The following DNHD1 variants were observed in gnomAD, a reference collection of about 807,000 sequenced individuals.
The protein encoded by DNHD1 is dynein heavy chain domain 1.
Under a neutral mutation model 458.1 loss-of-function variants are expected in DNHD1, and 383 were observed. The observed-to-expected ratio is 0.84, with a 90% confidence interval of 0.77 to 0.91. DNHD1 has a LOEUF of 0.91. Ranked by LOEUF, DNHD1 falls within the 40% of genes least tolerant of loss-of-function variation. The pLI is 0.00. For missense variants in DNHD1, 5,336 were observed against 5,866.1 expected, an observed-to-expected ratio of 0.91 and a Z score of 2.95; for synonymous variants, 2,203 against 2,376.9, an observed-to-expected ratio of 0.93 and a Z score of 2.13.
chr11:6,566,514 C>T (rs1853702909), intron 34 of DNHD1, 73 bp from the exon 35 acceptor site: 1 of 1,563,448 alleles, frequency 6.4e-7, no homozygotes, highest in Admixed American at 1.8e-5. Flanking sequence ...AGCAGGGAGC[C>T]ATACTCCCTG....
Position 6,563,918 on chromosome 11 carries a change from G to A in DNHD1, c.10078G>A (p.Glu3360Lys), listed in dbSNP as rs1056169167. 1 of 1,551,576 alleles carries A rather than the reference G, an allele frequency of 6.4e-7. No individual in the cohort carries two copies. Among genetic ancestry groups the A allele is most frequent in the Non-Finnish European group, 8.7e-7 (1 of 1,147,010 alleles). The change falls in exon 31 of 43, where the codon GAG becomes AAG. Residue 3360 changes from glutamate (E) to lysine (K), a missense_variant. Around this residue, in one of 4 missense-constraint regions of DNHD1, gnomAD observed 3,932 missense variants for 4,365.6 expected, o/e 0.90. Coordinates refer to ENST00000254579, the MANE Select transcript of DNHD1 (RefSeq NM_144666.3). ...GCAAGTGGAGGCAACACTCACTCGG[G>A]AGCAGGCCCGCCTGGGCTACTACCA... ...LQQVEATLTR[E>K]QARLGYYQFQ...
Position 6,519,773 on chromosome 11 carries a change from C to T in DNHD1, c.1566C>T (p.Arg522=), listed in dbSNP as rs1852565857. ...AWWLQLGKFA[R]LVDYMICQSL... The stretch of plus-strand genomic sequence containing the variant: ...GGCTGCAGCTGGGAAAGTTTGCCCG[C>T]CTGGTTGACTACATGATTTGTCAGA... Residue 522 remains arginine, a synonymous_variant, in exon 8 of 43, where the codon CGC becomes CGT. Coordinates refer to ENST00000254579, the MANE Select transcript of DNHD1 (RefSeq NM_144666.3). The T allele has an allele frequency of 6.2e-7, 1 of 1,613,796 alleles. No homozygotes were observed. The highest frequency in any genetic ancestry group is 8.5e-7 in the Non-Finnish European group (1 of 1,180,050).
chr11:6,515,442 C>T (rs891272578), intron 7 of DNHD1, among the ~76,000 whole-genome samples: 2 of 152,050 alleles, frequency 1.3e-5, no homozygotes, highest in Non-Finnish European at 1.5e-5. Context: ...TGTTTAGTCT[C>T]TCTTATATGG....
At position 6,570,570 on chromosome 11, in the gene DNHD1, G is replaced by C. The variant is rs183495445; in HGVS notation, c.13106-48G>C. 6.8e-4 allele frequency: 1,047 copies of C among 1,529,404 alleles called. 3 individuals carry two copies. Among genetic ancestry groups the C allele is most frequent in the Admixed American group, 1.4e-3 (70 of 50,620 alleles). 94.7% of individuals were successfully genotyped at this position (1,529,404 alleles called of 1,614,324 possible). On this transcript the variant is annotated intron_variant, in intron 41 of 42. Transcript: ENST00000254579. ...GGAAGGCCTACTCTCTCGAGTCTAG[G>C]GTGGGGAGAGTCCATCTTGTCCCTC...
At chr11:6,554,455 G>T (rs1853420162) in intron 24 of DNHD1, among the ~76,000 whole-genome samples, 1 of 152,058 alleles carries the variant, frequency 6.6e-6, no homozygotes, top group Non-Finnish European at 1.5e-5. Flanking sequence ...TATCAAAATT[G>T]AAAACCTATG....
At chr11:6,555,278 A>G (rs1019534051) in intron 24 of DNHD1, among the ~76,000 whole-genome samples, 1 of 151,604 alleles carries the variant, frequency 6.6e-6, no homozygotes, top group African/African-American at 2.4e-5. Flanking sequence ...CTCAGGTGAC[A>G]TGAGGATGGA....
intron 16 of DNHD1, 88 bp downstream of exon 16, chr11:6,538,898 G>A: frequency 7.7e-7 from 1 of 1,295,924 alleles, no homozygotes; most frequent in South Asian, 1.6e-5. Context: ...TGCTCCTGCT[G>A]GAAACACCTT....
intron 29 of DNHD1, 88 bp downstream of exon 29, chr11:6,563,219 G>A: frequency 6.5e-7 from 1 of 1,541,332 alleles, no homozygotes; most frequent in Admixed American, 2.0e-5. Context: ...AGGATGGAGT[G>A]ACTCATCATG....
At position 6,557,942 on chromosome 11, in the gene DNHD1, C is replaced by T. The variant is rs1025813426; in HGVS notation, c.8647C>T (p.Arg2883Trp). 1.1e-5 allele frequency: 17 copies of T among 1,551,328 alleles called. No individual in the cohort carries two copies. Among genetic ancestry groups the T allele is most frequent in the Admixed American group, 5.9e-5 (3 of 50,972 alleles). ...CCTGGTCCGGGTGCTGGCCAGGCCC[C>T]GGCAGCATGGCCTGCTGCTCTCGGG... ...ARLVRVLARP[R>W]QHGLLLSGAL... The change falls in exon 25 of 43, where the codon CGG becomes TGG. Residue 2883 changes from arginine to tryptophan, a missense_variant. This residue lies in a region of DNHD1 where 3,932 missense variants were observed against 4,365.6 expected (regional missense o/e 0.90). Transcript: ENST00000254579.
chr11:6,520,444 T>C, intron 10 of DNHD1, 155 bp downstream of exon 10: 7 of 1,475,816 alleles, frequency 4.7e-6, no homozygotes, highest in Non-Finnish European at 6.3e-6. Context: ...ACATATGTGT[T>C]GTGGGTAGAA....
Position 6,498,312 on chromosome 11 carries a change from G to T in DNHD1, c.97G>T (p.Glu33Ter). The T allele has an allele frequency of 6.2e-7, 1 of 1,614,236 alleles. No homozygotes were observed. Residue 33 changes from glutamate to a stop codon, truncating the protein, a stop_gained, in exon 3 of 43, where the codon GAA becomes TAA. Coordinates refer to ENST00000254579, the MANE Select transcript of DNHD1 (RefSeq NM_144666.3). LOFTEE classifies it high-confidence loss of function. ...CTCCATATGTGTCTTGGACAGCAAA[G>T]AACAGCCCTTGGCCTGCCAGCAGAA... ...WHSICVLDSK[E>*]QPLACQQKQR...
chr11:6,558,755 C>G (rs1853522634), intron 26 of DNHD1, 62 bp downstream of exon 26: 5 of 1,523,376 alleles, frequency 3.3e-6, no homozygotes, highest in Non-Finnish European at 3.5e-6. Context: ...GGGTTATTAC[C>G]TAGGTCAGTC....
chr11:6,539,165 G>A (rs1853034463), intron 16 of DNHD1, 54 bp from the exon 17 acceptor site: 1 of 1,259,268 alleles, frequency 7.9e-7, no homozygotes, highest in Non-Finnish European at 1.1e-6. Context: ...TGGGATATGG[G>A]TTGGACTCTG....
rs1380824974 is a variant in DNHD1, at chr11:6,558,071, T to A, written c.8776T>A (p.Cys2926Ser). The A allele has an allele frequency of 6.4e-7, 1 of 1,551,528 alleles. No individual in the cohort carries two copies. The highest frequency in any genetic ancestry group is 1.4e-5 in the African/African-American group (1 of 73,014). Residue 2926 changes from cysteine (C) to serine (S), a missense_variant, in exon 25 of 43, where the codon TGT becomes AGT. By Grantham distance (112) the Cys-to-Ser change is moderately radical (BLOSUM62 -1). This residue lies in a region of DNHD1 where 3,932 missense variants were observed against 4,365.6 expected (regional missense o/e 0.90). Coordinates refer to ENST00000254579, the MANE Select transcript of DNHD1 (RefSeq NM_144666.3). ...TGGGTCAGAGGAGGCCATTCTCCAA[T>A]GTCTACGAGATGCCAGCTGGCATGC... ...PSGSEEAILQ[C>S]LRDASWHAGM...
chr11:6,521,935 G>C (rs114640128), intron 10 of DNHD1, among the ~76,000 whole-genome samples: 3 of 152,110 alleles, frequency 2.0e-5, no homozygotes, highest in African/African-American at 7.2e-5. Flanking sequence ...GAGGCTGGTC[G>C]TGAACTCCTA....
chr11:6,510,107 G>C (rs1336079623), intron 6 of DNHD1, among the ~76,000 whole-genome samples: 1 of 149,990 alleles, frequency 6.7e-6, no homozygotes, highest in Non-Finnish European at 1.5e-5. Context: ...TTTTTAAATG[G>C]AGTTTCACTC....
In DNHD1 at chr11:6,557,308, G is replaced by A. The variant is rs1474079939; in HGVS notation, c.8013G>A (p.Leu2671=). Residue 2671 remains leucine, a synonymous_variant, in exon 25 of 43, where the codon CTG becomes CTA. Transcript: ENST00000254579. ...GGGAACGCTCCTACTGTGCCAAGCT[G>A]CTCCTAGTAGTAGCTCAAAGTGTCT... The part of the protein sequence containing the change: ...SPRERSYCAK[L]LLVVAQSVFC... 6.4e-7 allele frequency: 1 copy of A among 1,551,568 alleles called. No individual in the cohort carries two copies. The highest frequency in any genetic ancestry group is 2.0e-5 in the Admixed American group (1 of 51,018).
rs751838659 is a variant in DNHD1, at chr11:6,567,286, T to C, written c.11777T>C (p.Leu3926Pro). The change falls in exon 36 of 43, where the codon CTG (leucine) becomes CCG (proline). Residue 3926 changes from leucine to proline, a missense_variant. Physicochemically the swap from Leu to Pro is moderately conservative, Grantham distance 98 (BLOSUM62 -3). Coordinates refer to ENST00000254579, the MANE Select transcript of DNHD1 (RefSeq NM_144666.3). ...RQLLGSTVTA[L>P]GLTQVPLVGA... is the part of the protein sequence containing the mutation. Reference sequence around the variant, plus strand: ...CTGCTGGGCAGCACCGTGACTGCACTGGGCCTTACCCAAGTACCCTTGGTG... The same window carrying C: ...CTGCTGGGCAGCACCGTGACTGCACCGGGCCTTACCCAAGTACCCTTGGTG... The C allele has an allele frequency of 1.2e-5, 20 of 1,614,036 alleles. No individual in the cohort carries two copies. Among genetic ancestry groups the C allele is most frequent in the Non-Finnish European group, 1.7e-5 (20 of 1,179,898 alleles).
At position 6,566,221 on chromosome 11, in the gene DNHD1, C is replaced by T. The variant is rs932307739; in HGVS notation, c.11054-20C>T. ...GGGTGCTGGCATTGTGGGTAGGGTG[C>T]CTTTGCCTCCCTCTCACAGGCCTGC... is the stretch of plus-strand genomic sequence containing the variant. On this transcript the variant is annotated intron_variant, in intron 33 of 42. Coordinates refer to ENST00000254579, the MANE Select transcript of DNHD1 (RefSeq NM_144666.3). The T allele has an allele frequency of 1.3e-6, 2 of 1,549,290 alleles. No homozygotes were observed. Among genetic ancestry groups the T allele is most frequent in the South Asian group, 2.4e-5 (2 of 83,864 alleles).
Sources: gnomAD v4.1 joint callset for allele counts (sites outside exome capture counted in the v4.1 genomes callset) on GRCh38, gnomAD v4.1.1 for gene constraint, gnomAD v4.1.1 regional missense constraint, MANE v1.5 for transcripts, NCBI Gene and HGNC (gene_info 2026-07-23, HGNC 2026-07-21) for gene names.